ZSCAN25: variants seen among roughly 807,000 people sequenced by gnomAD.
ZSCAN25 encodes the protein zinc finger and SCAN domain containing 25.
ZSCAN25 carries 27 observed loss-of-function variants against 38.7 expected under a neutral mutation model. The observed-to-expected ratio is 0.70, with a 90% CI of 0.51 to 0.96. The LOEUF (loss-of-function observed/expected upper bound fraction) is 0.96. ZSCAN25 is among the 40% of genes least tolerant of loss of function. The pLI is 0.00. For synonymous variants in ZSCAN25, 273 were observed against 277.7 expected (o/e 0.98, Z 0.17); for missense variants, 637 against 705.9 (o/e 0.90, Z 1.11).
Position 99,630,383 on chromosome 7 carries a change from T to C in ZSCAN25, c.*363T>C. 2 of 1,056,244 alleles carry C rather than the reference T, an allele frequency of 1.9e-6. No individual in the cohort carries two copies. The highest frequency in any genetic ancestry group is 2.3e-6 in the Non-Finnish European group (2 of 874,676). The allele number at this position is 1,056,244 out of a possible 1,614,324, so 65.4% of individuals were successfully genotyped here. A position where few individuals can be genotyped will look rare whatever the true frequency, so the allele number is the denominator to read the frequency against. ...TGGGACCTCATCTTCCTGAGGGCTC[T>C]GTCTTGCCTGCAGGGTCATAGCTCA... is the stretch of plus-strand genomic sequence containing the variant. On this transcript the variant is annotated 3_prime_UTR_variant, in exon 8 of 8. Coordinates refer to ENST00000394152, the MANE Select transcript of ZSCAN25 (RefSeq NM_145115.3).
chr7:99,657,761 G>A, the ZSCAN25 span, among the ~76,000 whole-genome samples: 1 of 152,292 alleles, frequency 6.6e-6, no homozygotes, highest in South Asian at 2.1e-4. Context: ...ATGAATCTGG[G>A]TGCTCCTGTA....
the ZSCAN25 span, among the ~76,000 whole-genome samples, chr7:99,723,817 C>T: frequency 2.6e-5 from 4 of 152,294 alleles, no homozygotes; most frequent in Non-Finnish European, 4.4e-5. Context: ...CTGGTAGAGA[C>T]GGAGGAGATA....
At chr7:99,637,221 T>C (rs777932686), downstream of ZSCAN25, among the ~76,000 whole-genome samples, 3 of 152,174 alleles carry the variant, frequency 2.0e-5, no homozygotes, top group Non-Finnish European at 4.4e-5. Context: ...CATGCTTTAT[T>C]AATGAACAAA....
the ZSCAN25 span, among the ~76,000 whole-genome samples, chr7:99,697,094 T>G: frequency 1.3e-5 from 2 of 152,240 alleles, no homozygotes; most frequent in Non-Finnish European, 2.9e-5. Flanking sequence ...CCTCAGGTAT[T>G]TCTTTACAGC....
the ZSCAN25 span, among the ~76,000 whole-genome samples, chr7:99,674,047 C>T: frequency 2.0e-5 from 3 of 152,096 alleles, no homozygotes; most frequent in Non-Finnish European, 2.9e-5. Context: ...ACAAATAAAT[C>T]CCAAGAAGGC....
chr7:99,737,752 A>G, the ZSCAN25 span, among the ~76,000 whole-genome samples: 26 of 152,340 alleles, frequency 1.7e-4, no homozygotes, highest in African/African-American at 5.3e-4. Flanking sequence ...ACTGGTTGGA[A>G]TCTATACCAA....
the ZSCAN25 span, among the ~76,000 whole-genome samples, chr7:99,689,785 C>T: frequency 6.6e-6 from 1 of 152,072 alleles, no homozygotes; most frequent in Non-Finnish European, 1.5e-5. Flanking sequence ...AACCACTGCT[C>T]AATGAAATAA....
the ZSCAN25 span, among the ~76,000 whole-genome samples, chr7:99,732,576 A>G: frequency 2.0e-5 from 3 of 152,030 alleles, no homozygotes; most frequent in African/African-American, 7.2e-5. Flanking sequence ...TGGGCCATGT[A>G]TGGACTTCCC....
At chr7:99,718,565 A>C in the ZSCAN25 span, among the ~76,000 whole-genome samples, 1 of 152,154 alleles carries the variant, frequency 6.6e-6, no homozygotes, top group African/African-American at 2.4e-5. Flanking sequence ...CTACAAAAAA[A>C]CCCACTTCAT....
chr7:99,660,549 C>T, the ZSCAN25 span: 1 of 1,613,782 alleles, frequency 6.2e-7, no homozygotes, highest in Non-Finnish European at 8.5e-7. Context: ...TGCTGGACAT[C>T]AGGGTGAGTG....
chr7:99,707,441 C>T, the ZSCAN25 span, among the ~76,000 whole-genome samples: 2 of 152,196 alleles, frequency 1.3e-5, no homozygotes, highest in African/African-American at 4.8e-5. Context: ...AAAACTTCTA[C>T]AAGTTCTGGG....
chr7:99,687,244 A>C, the ZSCAN25 span, among the ~76,000 whole-genome samples: 96 of 152,332 alleles, frequency 6.3e-4, no homozygotes, highest in African/African-American at 2.2e-3. Flanking sequence ...GAGGAACTTC[A>C]AACCAATGGC....
the ZSCAN25 span, among the ~76,000 whole-genome samples, chr7:99,686,752 C>A: frequency 3.4e-5 from 5 of 148,268 alleles, no homozygotes; most frequent in African/African-American, 5.0e-5. Flanking sequence ...TGGGAGGCAC[C>A]CCCCCCCCAG....
At chr7:99,707,154 T>C in the ZSCAN25 span, among the ~76,000 whole-genome samples, 1 of 152,086 alleles carries the variant, frequency 6.6e-6, no homozygotes, top group Admixed American at 6.6e-5. Context: ...GAGTTATAAT[T>C]GAGTTGAAAA....
the ZSCAN25 span, among the ~76,000 whole-genome samples, chr7:99,727,808 T>A: frequency 1.3e-5 from 2 of 152,230 alleles, no homozygotes; most frequent in African/African-American, 4.8e-5. Flanking sequence ...ATATTTATAC[T>A]GACTCTAAAT....
At chr7:99,728,460 C>T in the ZSCAN25 span, among the ~76,000 whole-genome samples, 1 of 152,198 alleles carries the variant, frequency 6.6e-6, no homozygotes, top group Non-Finnish European at 1.5e-5. Context: ...ATTATGACCA[C>T]TAAGGGCTGA....
At chr7:99,643,938 G>A in the ZSCAN25 span, among the ~76,000 whole-genome samples, 9 of 151,848 alleles carry the variant, frequency 5.9e-5, no homozygotes, top group Non-Finnish European at 1.2e-4. Flanking sequence ...ACCCTGTGAG[G>A]CACACCACCC....
At chr7:99,709,110 A>G in the ZSCAN25 span, 134 of 1,613,890 alleles carry the variant, frequency 8.3e-5, no homozygotes, top group South Asian at 1.4e-3. Flanking sequence ...AATCATCACC[A>G]CCACCCCTTT....
the ZSCAN25 span, among the ~76,000 whole-genome samples, chr7:99,725,425 A>G: frequency 6.6e-6 from 1 of 152,210 alleles, no homozygotes; most frequent in African/African-American, 2.4e-5. Flanking sequence ...AATTATAGCT[A>G]CTTGCCTCCA....
Sources: gnomAD v4.1 joint callset for allele counts (sites outside exome capture counted in the v4.1 genomes callset) on GRCh38, gnomAD v4.1.1 for gene constraint, MANE v1.5 for transcripts, NCBI Gene and HGNC (gene_info 2026-07-23, HGNC 2026-07-21) for gene names.